BDH1: variants seen among roughly 807,000 people sequenced by gnomAD.
The protein encoded by BDH1 is D-beta-hydroxybutyrate dehydrogenase, mitochondrial.
Under a neutral mutation model 33.1 loss-of-function variants are expected in BDH1, and 30 were observed. The observed-to-expected ratio is 0.91, with a 90% CI of 0.68 to 1.23. BDH1 has a LOEUF of 1.23. Among genes scored for constraint, BDH1 ranks in the 50% most tolerant of loss-of-function variants. The probability of loss-of-function intolerance (pLI) is 0.00; values close to 1 mark genes in which losing one functional copy is unlikely to be tolerated. For synonymous variants in BDH1, 190 were observed against 183.6 expected (o/e 1.03, Z -0.28); for missense variants, 443 against 464.4 (o/e 0.95, Z 0.42).
At chr3:197,535,949 G>T (rs2108746885) in intron 3 of BDH1, among the ~76,000 whole-genome samples, 1 of 152,250 alleles carries the variant, frequency 6.6e-6, no homozygotes, top group East Asian at 1.9e-4. Flanking sequence ...GGAAGGCTGA[G>T]GCAGGAAGAT....
At chr3:197,557,831 G>C (rs548977851), upstream of BDH1, among the ~76,000 whole-genome samples, 8 of 152,306 alleles carry the variant, frequency 5.3e-5, no homozygotes, top group East Asian at 1.3e-3. This position sits in a 1 kb window ranked among gnomAD's most constrained non-coding sequence, Gnocchi z 4.6. Context: ...TTGAAGACTG[G>C]GAGAATCAGG....
At chr3:197,527,539 C>T (rs1714215323) in intron 5 of BDH1, among the ~76,000 whole-genome samples, 1 of 152,166 alleles carries the variant, frequency 6.6e-6, no homozygotes, top group South Asian at 2.1e-4. Flanking sequence ...AGCCCCCGTT[C>T]ATCTTTCCAG....
chr3:197,519,601 T>C (rs917803481), intron 6 of BDH1, among the ~76,000 whole-genome samples: 2 of 151,388 alleles, frequency 1.3e-5, no homozygotes, highest in African/African-American at 4.9e-5. Flanking sequence ...GATGTGGAGG[T>C]TTCAGTGAGC....
Position 197,512,037 on chromosome 3 carries a change from G to A in BDH1, c.890C>T (p.Pro297Leu). The change falls in exon 8 of 8, where the codon CCT becomes CTT. Residue 297 changes from proline (P) to leucine (L), a missense_variant. By Grantham distance (98) the Pro-to-Leu change is moderately conservative. Transcript: ENST00000392379. The part of the protein sequence containing the change: ...YCSSGSTDTS[P>L]VIDAVTHALT... The stretch of plus-strand genomic sequence containing the variant: ...GGCGTGTGTGACAGCATCGATGACA[G>A]GGGACGTGTCTGTGGAGCCACTGCT... The A allele has an allele frequency of 6.2e-7, 1 of 1,614,178 alleles. No homozygotes were observed. The highest frequency in any genetic ancestry group is 1.1e-5 in the South Asian group (1 of 91,086).
At chr3:197,546,295 T>C (rs1716072805) in intron 3 of BDH1, 66 bp downstream of exon 3, 4 of 1,489,586 alleles carry the variant, frequency 2.7e-6, no homozygotes, top group Middle Eastern at 2.1e-4. Flanking sequence ...ACACTGTCCA[T>C]GTGTGAAAAC....
chr3:197,516,022 C>A lies in BDH1; in HGVS notation c.410-1606G>T, dbSNP rs1258067579. On this transcript the variant is annotated intron_variant, in intron 6 of 7. Coordinates refer to ENST00000392379, the MANE Select transcript of BDH1 (RefSeq NM_203314.3). This position sits in a 1 kb window ranked among gnomAD's most constrained non-coding sequence, Gnocchi z 4.2. ...CTCCAGGGTCTCCAGGGTGGTACAC[C>A]AAGGACCTCACCCCCAGTCTTCACT... Among the ~76,000 whole-genome samples, 1 of 152,186 alleles carries A rather than the reference C, an allele frequency of 6.6e-6. No homozygotes were observed. Among genetic ancestry groups the A allele is most frequent in the Non-Finnish European group, 1.5e-5 (1 of 68,030 alleles).
intron 2 of BDH1, among the ~76,000 whole-genome samples, chr3:197,547,780 G>A (rs1194360053): frequency 2.0e-5 from 3 of 152,142 alleles, no homozygotes; most frequent in African/African-American, 4.8e-5. Context: ...TCACTGCGTC[G>A]CAGCCACCAC....
chr3:197,511,769 A>T lies in BDH1; in HGVS notation c.*126T>A. ...GTCATTCCCTCTAGTTAGTGTTAAAACCAGTTATGGGTCTTCCTGGCATGG... is the reference window on the plus strand; with the variant it reads ...GTCATTCCCTCTAGTTAGTGTTAAATCCAGTTATGGGTCTTCCTGGCATGG... On this transcript the variant is annotated 3_prime_UTR_variant, in exon 8 of 8. Transcript: ENST00000392379. 1.0e-6 allele frequency: 1 copy of T among 961,692 alleles called. No homozygotes were observed. The highest frequency in any genetic ancestry group is 1.8e-5 in the South Asian group (1 of 56,778). 59.6% of individuals were successfully genotyped at this position (961,692 alleles called of 1,614,324 possible). A position where few individuals can be genotyped will look rare whatever the true frequency, so the allele number is the denominator to read the frequency against.
Position 197,569,723 on chromosome 3 carries a change from A to G in BDH1, c.-44+3458T>C, listed in dbSNP as rs894458341. 2.6e-5 allele frequency among the ~76,000 whole-genome samples: 4 copies of G among 152,194 alleles called. No homozygotes were observed. In the East Asian group the frequency reaches 5.8e-4, roughly 22 times the overall value. Reference sequence around the variant, plus strand: ...TAAGACGTGCCTTTTGCCTTCTGCCATGATTGTGAGGCCTCCCCAGCCATG... The same window carrying G: ...TAAGACGTGCCTTTTGCCTTCTGCCGTGATTGTGAGGCCTCCCCAGCCATG... On this transcript the variant is annotated intron_variant, in intron 1 of 6. Transcript: ENST00000358186.
At chr3:197,515,223 C>T (rs140302694) in intron 6 of BDH1, 16 of 921,184 alleles carry the variant, frequency 1.7e-5, no homozygotes, top group African/African-American at 1.4e-4. Context: ...CCCTCTGGTG[C>T]CTTCTCCTTC....
chr3:197,533,460 G>A (rs765568264), intron 4 of BDH1, 29 bp downstream of exon 4: 2 of 1,610,164 alleles, frequency 1.2e-6, no homozygotes, highest in Admixed American at 1.7e-5. Flanking sequence ...CCATCCAACT[G>A]GCTCCCGGGT....
rs911740057 is a variant in BDH1, at chr3:197,526,945, A to C, written c.268-4164T>G. 6.6e-6 allele frequency among the ~76,000 whole-genome samples: 1 copy of C among 152,148 alleles called. No homozygotes were observed. The highest frequency in any genetic ancestry group is 2.4e-5 in the African/African-American group (1 of 41,430). ...ATTCATATGAAGCCCACCTCATTTT[A>C]CTTGCCATCAGAGGGAAAATATCAG... On this transcript the variant is annotated intron_variant, in intron 5 of 7. Coordinates refer to ENST00000392379, the MANE Select transcript of BDH1 (RefSeq NM_203314.3). This position sits in a 1 kb window ranked among gnomAD's most constrained non-coding sequence, Gnocchi z 4.7.
At chr3:197,515,506 C>G (rs1712605010) in intron 6 of BDH1, 1 of 985,620 alleles carries the variant, frequency 1.0e-6, no homozygotes, top group African/African-American at 1.7e-5. Context: ...ATGGCTGACA[C>G]TTCCACGTCA....
At position 197,555,778 on chromosome 3, in the gene BDH1, T is replaced by C. The variant is rs1196328882; in HGVS notation, c.-196+3A>G. The C allele has an allele frequency of 1.3e-5, 2 of 152,170 alleles. No individual in the cohort carries two copies. Among genetic ancestry groups the C allele is most frequent in the Non-Finnish European group, 2.9e-5 (2 of 68,046 alleles). 9.4% of individuals were successfully genotyped at this position (152,170 alleles called of 1,614,324 possible). Reference sequence around the variant, plus strand: ...CTGCAGAGACGCGGACCCCTCCTCTTACCCAAAACCAAATGGGCAGGGGGC... The same window carrying C: ...CTGCAGAGACGCGGACCCCTCCTCTCACCCAAAACCAAATGGGCAGGGGGC... On this transcript the variant is annotated splice_donor_region_variant and intron_variant, in intron 1 of 7. Coordinates refer to ENST00000392379, the MANE Select transcript of BDH1 (RefSeq NM_203314.3).
Position 197,513,398 on chromosome 3 carries a change from C to G in BDH1, c.562+866G>C, listed in dbSNP as rs570000791. 2.1e-4 allele frequency among the ~76,000 whole-genome samples: 32 copies of G among 149,946 alleles called. 1 individual carries two copies. The highest frequency in any genetic ancestry group is 8.6e-4 in the Admixed American group (13 of 15,168). On this transcript the variant is annotated intron_variant, in intron 7 of 7. Coordinates refer to ENST00000392379, the MANE Select transcript of BDH1 (RefSeq NM_203314.3). ...CCAGGTGTGCCCCCGGGAGGGCACT[C>G]AGCCCATCCAGGTGTGCCCCCGGGA...
At chr3:197,559,492 C>A (rs1717193051), upstream of BDH1, among the ~76,000 whole-genome samples, 1 of 152,196 alleles carries the variant, frequency 6.6e-6, no homozygotes, top group Non-Finnish European at 1.5e-5. Flanking sequence ...ATACTTTGAT[C>A]TTCTCCTTAT....
intron 2 of BDH1, 80 bp from the exon 3 acceptor site, chr3:197,546,566 G>T: frequency 2.1e-6 from 2 of 962,172 alleles, no homozygotes; most frequent in Non-Finnish European, 3.2e-6. Flanking sequence ...CTTTCAGGTT[G>T]TGAAAGTCAA....
intron 3 of BDH1, among the ~76,000 whole-genome samples, chr3:197,537,923 G>A (rs947474451): frequency 3.3e-5 from 5 of 152,128 alleles, no homozygotes; most frequent in African/African-American, 9.7e-5. Flanking sequence ...GGCTTTTTGC[G>A]TCTGAGCTTA....
intron 1 of BDH1, among the ~76,000 whole-genome samples, chr3:197,562,272 T>G (rs1423222274): frequency 7.2e-5 from 11 of 152,236 alleles, no homozygotes; most frequent in Non-Finnish European, 1.3e-4. Flanking sequence ...CTAATTCTAG[T>G]TCGGAGATGC....
Sources: allele counts gnomAD v4.1 joint callset (sites outside exome capture counted in the v4.1 genomes callset), GRCh38; gene constraint gnomAD v4.1.1; non-coding constraint Gnocchi (gnomAD v3.1); transcripts MANE v1.5; gene names NCBI Gene and HGNC (gene_info 2026-07-23, HGNC 2026-07-21).